LPP: variants seen among roughly 807,000 people sequenced by gnomAD.
The protein encoded by LPP is lipoma-preferred partner.
Under a neutral mutation model 60.4 loss-of-function variants are expected in LPP, and 38 were observed. That is an observed-to-expected ratio of 0.63 (90% CI 0.49 to 0.83). LPP has a LOEUF of 0.83. Among genes scored for constraint, LPP ranks in the 40% least tolerant of loss-of-function variants. The pLI is 0.00. For synonymous variants in LPP, 328 were observed against 290.8 expected, an observed-to-expected ratio of 1.13 and a Z score of -1.30; for missense variants, 902 against 783.6, an observed-to-expected ratio of 1.15 and a Z score of -1.80.
At chr3:188,534,044 A>G (rs1822910088) in intron 6 of LPP, among the ~76,000 whole-genome samples, 1 of 152,186 alleles carries the variant, frequency 6.6e-6, no homozygotes, top group South Asian at 2.1e-4. Context: ...CTTGCATTGC[A>G]CCTCTACAAA....
intron 2 of LPP, among the ~76,000 whole-genome samples, chr3:188,252,945 G>C (rs1294034666): frequency 6.6e-6 from 1 of 151,822 alleles, no homozygotes; most frequent in Non-Finnish European, 1.5e-5. Flanking sequence ...CTAATTTTTT[G>C]TATTTTTCAC....
At position 188,609,067 on chromosome 3, in the gene LPP, C is replaced by A; in HGVS notation, c.430-94C>A. The A allele has an allele frequency of 2.3e-6, 2 of 875,264 alleles. No homozygotes were observed. Among genetic ancestry groups the A allele is most frequent in the South Asian group, 1.7e-5 (1 of 57,974 alleles). The allele number at this position is 875,264 out of a possible 1,614,324, so 54.2% of individuals were successfully genotyped here. ...CTACATAGTAATAAATAATAATTAG[C>A]AGTTATTAATATTTTTCATTTATTC... On this transcript the variant is annotated intron_variant, in intron 6 of 11. Coordinates refer to ENST00000617246, the MANE Select transcript of LPP (RefSeq NM_001375462.1). The surrounding 1 kb of genome is among the most constrained non-coding windows in gnomAD (Gnocchi z 6.9).
intron 6 of LPP, among the ~76,000 whole-genome samples, chr3:188,567,907 A>G (rs764886494): frequency 2.1e-4 from 32 of 151,998 alleles, no homozygotes; most frequent in Non-Finnish European, 3.8e-4. Context: ...CAGAGTCCAT[A>G]CTCATAACAC....
chr3:188,680,014 G>C (rs960151646), intron 7 of LPP, among the ~76,000 whole-genome samples: 4 of 152,246 alleles, frequency 2.6e-5, no homozygotes, highest in Admixed American at 2.6e-4. Flanking sequence ...ATTGTCATTA[G>C]AATCATTGGT....
intron 5 of LPP, among the ~76,000 whole-genome samples, chr3:188,514,478 C>T (rs995008110): frequency 1.3e-5 from 2 of 151,142 alleles, no homozygotes; most frequent in African/African-American, 4.9e-5. Context: ...CTCTTGTTGC[C>T]CAGGCTGGAG....
chr3:188,827,945 G>C (rs1756019949), intron 9 of LPP, among the ~76,000 whole-genome samples: 1 of 151,980 alleles, frequency 6.6e-6, no homozygotes, highest in Non-Finnish European at 1.5e-5. Flanking sequence ...CCTTTGTATG[G>C]TACATCTCAT....
At chr3:188,628,114 A>G (rs1460042268) in intron 7 of LPP, among the ~76,000 whole-genome samples, 1 of 152,156 alleles carries the variant, frequency 6.6e-6, no homozygotes. Flanking sequence ...AGTATTAAGA[A>G]AAATGTTTGT....
At chr3:188,624,570 C>T (rs1421419664) in intron 7 of LPP, among the ~76,000 whole-genome samples, 1 of 152,160 alleles carries the variant, frequency 6.6e-6, no homozygotes, top group Non-Finnish European at 1.5e-5. Flanking sequence ...AAGTGCGAAC[C>T]TGATCATGTG....
At chr3:188,815,979 G>GA (rs539837308) in intron 9 of LPP, among the ~76,000 whole-genome samples, 13 of 151,838 alleles carry the variant, frequency 8.6e-5, no homozygotes, top group African/African-American at 3.1e-4. Flanking sequence ...AATTTCATAA[G>GA]AAAAAAATGA....
intron 8 of LPP, among the ~76,000 whole-genome samples, chr3:188,737,948 C>G (rs535083380): frequency 6.6e-6 from 1 of 152,154 alleles, no homozygotes; most frequent in Non-Finnish European, 1.5e-5. Context: ...GCCACTTAAT[C>G]AACATGCTAT....
intron 5 of LPP, among the ~76,000 whole-genome samples, chr3:188,500,258 G>A (rs1046427941): frequency 6.6e-6 from 1 of 151,818 alleles, no homozygotes; most frequent in Non-Finnish European, 1.5e-5. Flanking sequence ...GCTATGTTGA[G>A]ATAGTTTTCT....
Position 188,644,778 on chromosome 3 carries a change from C to A in LPP, c.1113+34934C>A, listed in dbSNP as rs538574909. Among the ~76,000 whole-genome samples, 9 of 152,264 alleles carry A rather than the reference C, an allele frequency of 5.9e-5. No homozygotes were observed. The East Asian group carries it at 1.7e-3, about 29-fold the overall frequency. On this transcript the variant is annotated intron_variant, in intron 7 of 11. Coordinates refer to ENST00000617246, the MANE Select transcript of LPP (RefSeq NM_001375462.1). The stretch of plus-strand genomic sequence containing the variant: ...CTACTACATAGATTTATTAACTCAA[C>A]AAAAGGGTGACCAGTTCTTCCAAAC...
chr3:188,299,180 C>T (rs543515810), intron 2 of LPP, among the ~76,000 whole-genome samples: 1 of 152,306 alleles, frequency 6.6e-6, no homozygotes, highest in South Asian at 2.1e-4. Context: ...CGGACTCTCC[C>T]TGGGCTTTTT....
At chr3:188,766,415 A>G (rs1235384071) in intron 9 of LPP, among the ~76,000 whole-genome samples, 1 of 151,916 alleles carries the variant, frequency 6.6e-6, no homozygotes, top group Non-Finnish European at 1.5e-5. Flanking sequence ...AACAACTGAC[A>G]TTGACATTAA....
intron 3 of LPP, among the ~76,000 whole-genome samples, chr3:188,368,528 T>G (rs1382334156): frequency 6.6e-6 from 1 of 152,168 alleles, no homozygotes; most frequent in East Asian, 1.9e-4. Flanking sequence ...GTCTTTTTAT[T>G]AGTTACTGAC....
intron 2 of LPP, among the ~76,000 whole-genome samples, chr3:188,273,199 A>G (rs1738409406): frequency 6.6e-6 from 1 of 152,238 alleles, no homozygotes; most frequent in Admixed American, 6.5e-5. Flanking sequence ...GTCATGAATC[A>G]TGTGAACCAT....
chr3:188,427,374 C>G (rs1789671189), intron 4 of LPP, among the ~76,000 whole-genome samples: 1 of 152,184 alleles, frequency 6.6e-6, no homozygotes, highest in South Asian at 2.1e-4. Flanking sequence ...TTTTCTCTGG[C>G]TGCCCTTAAC....
chr3:188,606,565 T>G (rs1348449020), intron 6 of LPP, among the ~76,000 whole-genome samples: 1 of 152,176 alleles, frequency 6.6e-6, no homozygotes, highest in East Asian at 1.9e-4. Flanking sequence ...TCTTGTCTTG[T>G]TGGTGGAGGG....
chr3:188,418,584 A>G (rs534077859), intron 4 of LPP, among the ~76,000 whole-genome samples: 107 of 152,308 alleles, frequency 7.0e-4, no homozygotes, highest in African/African-American at 2.5e-3. Flanking sequence ...TATTACTTGT[A>G]TTAAATGAAA....
Sources: gnomAD v4.1 joint callset for allele counts (sites outside exome capture counted in the v4.1 genomes callset) on GRCh38, gnomAD v4.1.1 for gene constraint, Gnocchi (gnomAD v3.1) non-coding constraint, MANE v1.5 for transcripts, NCBI Gene and HGNC (gene_info 2026-07-23, HGNC 2026-07-21) for gene names.